ME2: variants seen among roughly 807,000 people sequenced by gnomAD.
ME2 encodes malic enzyme 2, also known as NAD-dependent malic enzyme, mitochondrial.
In ME2, 60 loss-of-function variants were observed where a neutral mutation model predicts 73.7. The observed-to-expected ratio is 0.81, with a 90% CI of 0.66 to 1.01. ME2 has a LOEUF of 1.01. Among genes scored for constraint, ME2 ranks in the 50% least tolerant of loss-of-function variants. The pLI is 0.00. For missense variants in ME2, 594 were observed against 705.5 expected (o/e 0.84, Z 1.79); for synonymous variants, 199 against 236.9 (o/e 0.84, Z 1.47).
intron 4 of ME2, among the ~76,000 whole-genome samples, chr18:50,914,145 A>C (rs1228852836): frequency 6.6e-6 from 1 of 152,132 alleles, no homozygotes; most frequent in East Asian, 1.9e-4. Context: ...AAAAGAAAAA[A>C]GGTCTGGAGG....
chr18:50,941,103 C>CA (rs1285908717), intron 15 of ME2, among the ~76,000 whole-genome samples: 4 of 150,942 alleles, frequency 2.7e-5, no homozygotes, highest in Admixed American at 1.3e-4. Flanking sequence ...ACTAAAAATA[C>CA]AAAAAAAGTT....
chr18:50,940,656 G>T (rs1300327526), intron 15 of ME2, among the ~76,000 whole-genome samples: 1 of 152,074 alleles, frequency 6.6e-6, no homozygotes, highest in Admixed American at 6.6e-5. Flanking sequence ...TAGAGATAGG[G>T]GTCTTCCTGT....
At chr18:50,925,224 A>G (rs1005360449) in intron 11 of ME2, among the ~76,000 whole-genome samples, 44 of 152,184 alleles carry the variant, frequency 2.9e-4, no homozygotes, top group African/African-American at 1.0e-3. Flanking sequence ...CACACCTGTA[A>G]TTCCAGCACT....
intron 2 of ME2, among the ~76,000 whole-genome samples, chr18:50,906,838 G>A (rs191937663): frequency 4.0e-4 from 61 of 152,278 alleles, no homozygotes; most frequent in Non-Finnish European, 6.6e-4. Context: ...CTTGCACAGA[G>A]CCTTAAGGTT....
intron 2 of ME2, among the ~76,000 whole-genome samples, chr18:50,896,842 A>C (rs892237210): frequency 6.6e-6 from 1 of 152,220 alleles, no homozygotes; most frequent in East Asian, 1.9e-4. Context: ...TGGGTCACAC[A>C]GAGCACCTCA....
At chr18:50,941,951 A>G (rs900824422) in intron 15 of ME2, among the ~76,000 whole-genome samples, 1 of 151,832 alleles carries the variant, frequency 6.6e-6, no homozygotes, top group East Asian at 1.9e-4. Context: ...TTAAGTGTAT[A>G]TATACTGTTT....
chr18:50,903,267 A>G (rs1161322413), intron 2 of ME2, among the ~76,000 whole-genome samples: 1 of 152,254 alleles, frequency 6.6e-6, no homozygotes, highest in East Asian at 1.9e-4. Context: ...ACACCAGCCT[A>G]GCAAATTTAA....
chr18:50,914,277 C>T (rs1917233481), intron 4 of ME2, among the ~76,000 whole-genome samples: 1 of 152,220 alleles, frequency 6.6e-6, no homozygotes, highest in Non-Finnish European at 1.5e-5. Context: ...ATTTCTGTGA[C>T]ATAACCATGC....
intron 15 of ME2, among the ~76,000 whole-genome samples, chr18:50,940,697 C>G (rs1483994525): frequency 6.6e-6 from 1 of 152,170 alleles, no homozygotes; most frequent in Non-Finnish European, 1.5e-5. Context: ...ACCCCTTGGC[C>G]TGAAGCGATC....
At chr18:50,890,899 G>A (rs747033723) in intron 1 of ME2, among the ~76,000 whole-genome samples, 3 of 152,172 alleles carry the variant, frequency 2.0e-5, no homozygotes. Flanking sequence ...ATGGCCAGGA[G>A]GCACTGCTGG....
intron 1 of ME2, among the ~76,000 whole-genome samples, chr18:50,886,291 T>A (rs1325070072): frequency 1.3e-5 from 2 of 151,470 alleles, no homozygotes; most frequent in Admixed American, 1.3e-4. Context: ...TTGCCCAGGC[T>A]GGAGTGCAGT....
At position 50,938,332 on chromosome 18, in the gene ME2, T is replaced by A. The variant is rs181254125; in HGVS notation, c.1418-1238T>A. Among the ~76,000 whole-genome samples, 466 of 150,650 alleles carry A rather than the reference T, an allele frequency of 3.1e-3. 2 individuals are homozygous for A. Among genetic ancestry groups the A allele is most frequent in the African/African-American group, 9.3e-3 (376 of 40,430 alleles). ...GAGCGAGACCCTGTTGCCAAAAAAA[T>A]TTTTTTTTAAAAGGGATCCTACATG... On this transcript the variant is annotated intron_variant, in intron 13 of 15. Coordinates refer to ENST00000321341, the MANE Select transcript of ME2 (RefSeq NM_002396.5).
chr18:50,885,184 A>G (rs687545), intron 1 of ME2, among the ~76,000 whole-genome samples: 2,986 of 152,228 alleles, frequency 0.02, 44 homozygotes, highest in African/African-American at 0.027. Flanking sequence ...AAATAATGCT[A>G]TCTCTCCTGG....
At chr18:50,880,677 CA>C (rs1916297818) in intron 1 of ME2, among the ~76,000 whole-genome samples, 1 of 152,150 alleles carries the variant, frequency 6.6e-6, no homozygotes, top group Non-Finnish European at 1.5e-5. Context: ...CTTGACCTTC[CA>C]AAGTGCTGGG....
chr18:50,924,216 G>A lies in ME2; in HGVS notation c.1171+4G>A. The stretch of plus-strand genomic sequence containing the variant: ...CTGAAGCCTTCAACTATAATTGGTA[G>A]GTAAAGTTTTTCTGATAAATAATTT... On this transcript the variant is annotated splice_donor_region_variant and intron_variant, in intron 11 of 15. Coordinates refer to ENST00000321341, the MANE Select transcript of ME2 (RefSeq NM_002396.5). 6.3e-7 allele frequency: 1 copy of A among 1,575,680 alleles called. No homozygotes were observed. The highest frequency in any genetic ancestry group is 1.4e-5 in the African/African-American group (1 of 73,924).
chr18:50,918,230 T>G lies in ME2; in HGVS notation c.734+17T>G. 4 of 1,561,870 alleles carry G rather than the reference T, an allele frequency of 2.6e-6. No homozygotes were observed. The highest frequency in any genetic ancestry group is 3.5e-6 in the Non-Finnish European group (4 of 1,139,730). On this transcript the variant is annotated intron_variant, in intron 7 of 15. Transcript: ENST00000321341. Reference sequence around the variant, plus strand: ...TACTGACAGGTATTTTTTAAAAGTTTGAGTATATGAAAGCACCTTTAATGG... The same window carrying G: ...TACTGACAGGTATTTTTTAAAAGTTGGAGTATATGAAAGCACCTTTAATGG...
At chr18:50,945,454 A>G (rs974236321) in intron 15 of ME2, among the ~76,000 whole-genome samples, 2 of 152,142 alleles carry the variant, frequency 1.3e-5, no homozygotes, top group Non-Finnish European at 2.9e-5. Flanking sequence ...TCTTTATTGC[A>G]GTTACCTGCC....
intron 6 of ME2, among the ~76,000 whole-genome samples, chr18:50,917,754 CAA>C (rs1917318615): frequency 6.6e-6 from 1 of 151,848 alleles, no homozygotes; most frequent in Non-Finnish European, 1.5e-5. Flanking sequence ...GGCAGATCAC[CAA>C]AAGTCAGGAG....
chr18:50,901,148 G>A (rs376643283), intron 2 of ME2, among the ~76,000 whole-genome samples: 14 of 152,170 alleles, frequency 9.2e-5, no homozygotes, highest in African/African-American at 3.4e-4. Context: ...CACATTTTCA[G>A]AAGTCTAAAC....
Sources: allele counts gnomAD v4.1 joint callset (sites outside exome capture counted in the v4.1 genomes callset), GRCh38; gene constraint gnomAD v4.1.1; transcripts MANE v1.5; gene names NCBI Gene and HGNC (gene_info 2026-07-23, HGNC 2026-07-21).